Variants in ROBO1 observed in about 807,000 individuals in gnomAD.
The protein encoded by ROBO1 is roundabout guidance receptor 1, also known as roundabout homolog 1.
Under a neutral mutation model 195.9 loss-of-function variants are expected in ROBO1, and 149 were observed. The observed-to-expected ratio is 0.76, with a 90% CI of 0.67 to 0.87. The LOEUF is 0.87. Among genes scored for constraint, ROBO1 ranks in the 40% least tolerant of loss-of-function variants. The pLI is 0.00. For missense variants in ROBO1, 1,933 were observed against 2,068.3 expected, an observed-to-expected ratio of 0.93 and a Z score of 1.27; for synonymous variants, 816 against 733.2, an observed-to-expected ratio of 1.11 and a Z score of -1.82.
intron 8 of ROBO1, among the ~76,000 whole-genome samples, chr3:78,712,318 A>G (rs2081782101): frequency 6.6e-6 from 1 of 152,186 alleles, no homozygotes; most frequent in African/African-American, 2.4e-5. Context: ...TTTTTTAACA[A>G]TACAATTACA....
At chr3:79,732,883 T>C (rs75875562) in intron 1 of ROBO1, among the ~76,000 whole-genome samples, 1,959 of 152,294 alleles carry the variant, frequency 0.013, 73 homozygotes, top group Admixed American at 0.059. Context: ...TGTTTTAAAG[T>C]GCAATATGTA....
At chr3:78,732,684 A>T (rs1000974132) in intron 5 of ROBO1, among the ~76,000 whole-genome samples, 2 of 152,134 alleles carry the variant, frequency 1.3e-5, no homozygotes, top group African/African-American at 4.8e-5. Flanking sequence ...GAGTGACACC[A>T]TGCATGTGAA....
At chr3:79,457,295 C>T (rs7429582) in intron 2 of ROBO1, among the ~76,000 whole-genome samples, 151,681 of 152,304 alleles carry the variant, frequency 1, 75,534 homozygotes, top group East Asian at 1. Flanking sequence ...ATCTGTTTTA[C>T]CATACTGTTA....
intron 5 of ROBO1, among the ~76,000 whole-genome samples, chr3:78,733,537 A>C (rs1383364216): frequency 6.6e-6 from 1 of 152,204 alleles, no homozygotes; most frequent in African/African-American, 2.4e-5. Context: ...ATTACTAAAA[A>C]GTATTGATAT....
chr3:79,612,345 C>T (rs1458357024), intron 1 of ROBO1, among the ~76,000 whole-genome samples: 1 of 145,914 alleles, frequency 6.9e-6, no homozygotes, highest in Non-Finnish European at 1.5e-5. Context: ...CATGTCCCTA[C>T]AAAGGACATG....
At chr3:79,548,703 T>C (rs1942365110) in intron 2 of ROBO1, among the ~76,000 whole-genome samples, 2 of 152,160 alleles carry the variant, frequency 1.3e-5, no homozygotes, top group South Asian at 4.1e-4. Context: ...CTATCAACAT[T>C]AGATTGTGTG....
chr3:79,698,908 G>GT (rs963490807), intron 1 of ROBO1, among the ~76,000 whole-genome samples: 111 of 150,946 alleles, frequency 7.4e-4, no homozygotes, highest in African/African-American at 2.1e-3. Context: ...TAAAATAATA[G>GT]TTTTTTTTGA....
chr3:78,717,387 T>C lies in ROBO1; in HGVS notation c.805A>G (p.Ser269Gly), dbSNP rs1559781373. ...TCATCCACAGTTACTGCCAAGTTAC[T>C]GGGTCTCTTCACAAATGATGGTCTC... Reference protein sequence around the residue: ...LERPSFVKRPSNLAVTVDDSA... With the variant: ...LERPSFVKRPGNLAVTVDDSA... Residue 269 changes from serine to glycine, a missense_variant, in exon 7 of 31, where the codon AGT becomes GGT. Ser to Gly is a moderately conservative substitution (Grantham distance 56, BLOSUM62 0). This residue lies in a region of ROBO1 where 1,737 missense variants were observed against 1,882.5 expected (regional missense o/e 0.92). Coordinates refer to ENST00000464233, the MANE Select transcript of ROBO1 (RefSeq NM_002941.4). 1 of 1,613,810 alleles carries C rather than the reference T, an allele frequency of 6.2e-7. No individual in the cohort carries two copies. The highest frequency in any genetic ancestry group is 2.2e-5 in the East Asian group (1 of 44,864).
At chr3:78,747,875 A>T (rs958080515) in intron 4 of ROBO1, among the ~76,000 whole-genome samples, 1 of 152,218 alleles carries the variant, frequency 6.6e-6, no homozygotes, top group Admixed American at 6.5e-5. Context: ...ATTATGTGGC[A>T]TGTTAGTCTT....
chr3:78,709,183 T>A (rs1255474100), intron 8 of ROBO1, among the ~76,000 whole-genome samples: 2 of 152,180 alleles, frequency 1.3e-5, no homozygotes, highest in Non-Finnish European at 2.9e-5. Context: ...ATTTTCTGGC[T>A]AACTCAAAGT....
At chr3:79,058,969 AT>A (rs1198104806) in intron 3 of ROBO1, among the ~76,000 whole-genome samples, 1 of 152,116 alleles carries the variant, frequency 6.6e-6, no homozygotes, top group Non-Finnish European at 1.5e-5. Context: ...TTTGTTAATG[AT>A]TGGCAAGCCA....
chr3:79,149,670 A>G (rs919322125), intron 2 of ROBO1, among the ~76,000 whole-genome samples: 39 of 151,846 alleles, frequency 2.6e-4, no homozygotes, highest in African/African-American at 8.9e-4. Context: ...CTATACTCCT[A>G]TAATTAGGTT....
intron 2 of ROBO1, among the ~76,000 whole-genome samples, chr3:79,523,461 CTTTT>C (rs11357931): frequency 1.2e-4 from 16 of 134,802 alleles, no homozygotes; most frequent in African/African-American, 4.5e-4. Flanking sequence ...ATTTTTCTTT[CTTTT>C]TTTTTTCTTT....
chr3:79,039,160 A>G (rs563218910), intron 3 of ROBO1, among the ~76,000 whole-genome samples: 1 of 152,322 alleles, frequency 6.6e-6, no homozygotes, highest in African/African-American at 2.4e-5. Flanking sequence ...TTAAGGTGCA[A>G]AAGTTTCTAA....
At chr3:79,100,023 A>T (rs538798503) in intron 3 of ROBO1, among the ~76,000 whole-genome samples, 1 of 151,892 alleles carries the variant, frequency 6.6e-6, no homozygotes, top group Admixed American at 6.6e-5. Context: ...GCGGGGAAAG[A>T]AATACCATGA....
chr3:79,525,846 G>A (rs1433367434), intron 2 of ROBO1, among the ~76,000 whole-genome samples: 3 of 151,884 alleles, frequency 2.0e-5, no homozygotes, highest in Non-Finnish European at 4.4e-5. Flanking sequence ...TGATCTCCTC[G>A]TGTTCCGCCT....
chr3:78,670,537 C>T (rs1221574396), intron 10 of ROBO1: 1 of 489,834 alleles, frequency 2.0e-6, no homozygotes, highest in Non-Finnish European at 3.7e-6. Context: ...CTGGCTGCAT[C>T]GTCAAGAGGC....
At chr3:79,515,044 A>C (rs1021176819) in intron 2 of ROBO1, among the ~76,000 whole-genome samples, 3 of 152,110 alleles carry the variant, frequency 2.0e-5, no homozygotes, top group African/African-American at 7.2e-5. Flanking sequence ...TTGGTTGCAA[A>C]AGAGGTTGGC....
chr3:79,190,995 G>A (rs149056316), intron 2 of ROBO1, among the ~76,000 whole-genome samples: 1 of 151,602 alleles, frequency 6.6e-6, no homozygotes, highest in Non-Finnish European at 1.5e-5. Flanking sequence ...GACACATTAG[G>A]TCATACAGTG....
Sources: allele counts gnomAD v4.1 joint callset (sites outside exome capture counted in the v4.1 genomes callset), GRCh38; gene constraint gnomAD v4.1.1; regional missense constraint gnomAD v4.1.1; transcripts MANE v1.5; gene names NCBI Gene and HGNC (gene_info 2026-07-23, HGNC 2026-07-21).